ZMAT5: variants seen among roughly 807,000 people sequenced by gnomAD.
The protein encoded by ZMAT5 is zinc finger matrin-type 5.
ZMAT5 carries 23 observed loss-of-function variants against 28.0 expected under a neutral mutation model. That is an observed-to-expected ratio of 0.82 (90% CI 0.59 to 1.16). The LOEUF is 1.16. ZMAT5 is among the 50% of genes most tolerant of loss of function. The pLI is 0.00. For synonymous variants in ZMAT5, 76 were observed against 84.1 expected (o/e 0.90, Z 0.52); for missense variants, 173 against 212.7 (o/e 0.81, Z 1.16).
Position 29,738,317 on chromosome 22 carries a change from TG to T in ZMAT5, c.383+12del. ...CAGGGGGCACAGCGGGAGGGAACCC[TG>T]GGGACCTGTACCTGCTACTTGGGGC... On this transcript the variant is annotated intron_variant, in intron 5 of 5. Transcript: ENST00000344318. 1 of 1,606,760 alleles carries T rather than the reference TG, an allele frequency of 6.2e-7. No individual in the cohort carries two copies.
chr22:29,754,406 G>A (rs79282051), intron 1 of ZMAT5, among the ~76,000 whole-genome samples: 5 of 152,298 alleles, frequency 3.3e-5, no homozygotes, highest in East Asian at 3.9e-4. Flanking sequence ...AAGGGGCAGC[G>A]GGCAAGGCTA....
intron 2 of ZMAT5, among the ~76,000 whole-genome samples, chr22:29,744,895 A>G (rs898180957): frequency 2.6e-5 from 4 of 152,242 alleles, no homozygotes; most frequent in Admixed American, 2.6e-4. Context: ...GAGGAAGCCC[A>G]TGCTCTTGCA....
chr22:29,738,230 C>T (rs1258830790), intron 5 of ZMAT5, 100 bp downstream of exon 5: 5 of 1,199,410 alleles, frequency 4.2e-6, no homozygotes, highest in Non-Finnish European at 6.0e-6. Context: ...GCCCCTGGGC[C>T]TGGGCAGTTC....
intron 1 of ZMAT5, among the ~76,000 whole-genome samples, chr22:29,765,062 C>T (rs1175395082): frequency 6.6e-6 from 1 of 152,138 alleles, no homozygotes; most frequent in Non-Finnish European, 1.5e-5. Context: ...TTGGCTAGCT[C>T]AAACTGATGT....
At chr22:29,761,269 CAAAAA>C (rs131283) in intron 1 of ZMAT5, among the ~76,000 whole-genome samples, 3 of 59,528 alleles carry the variant, frequency 5.0e-5, no homozygotes, top group African/African-American at 7.4e-5. Context: ...AACTCCGTCT[CAAAAA>C]AAAAAAAAAA....
chr22:29,754,125 T>C (rs1325013788), intron 1 of ZMAT5, among the ~76,000 whole-genome samples: 1 of 152,098 alleles, frequency 6.6e-6, no homozygotes, highest in Non-Finnish European at 1.5e-5. Context: ...AGGGGACAGC[T>C]GGAGTGTCTC....
intron 5 of ZMAT5, 91 bp from the exon 6 acceptor site, chr22:29,731,445 G>A: frequency 1.4e-6 from 2 of 1,480,378 alleles, no homozygotes; most frequent in East Asian, 5.4e-5. Flanking sequence ...CACCCTGGCT[G>A]TGGGGAGGGT....
At chr22:29,756,258 G>C (rs2068100385) in intron 1 of ZMAT5, among the ~76,000 whole-genome samples, 1 of 152,248 alleles carries the variant, frequency 6.6e-6, no homozygotes, top group Non-Finnish European at 1.5e-5. Context: ...TAATGTCCCA[G>C]TGTCATATAT....
At chr22:29,741,331 C>T (rs1440041746) in intron 3 of ZMAT5, among the ~76,000 whole-genome samples, 1 of 152,208 alleles carries the variant, frequency 6.6e-6, no homozygotes, top group African/African-American at 2.4e-5. Context: ...GACATATTCA[C>T]ATCAAGGCAA....
At chr22:29,751,099 C>T (rs1174981954) in intron 1 of ZMAT5, among the ~76,000 whole-genome samples, 31 of 152,164 alleles carry the variant, frequency 2.0e-4, no homozygotes, top group Admixed American at 1.9e-3. Context: ...GAACGTTTAA[C>T]GGCCGAGTGC....
At chr22:29,749,113 T>A (rs2068035371) in intron 1 of ZMAT5, among the ~76,000 whole-genome samples, 1 of 152,212 alleles carries the variant, frequency 6.6e-6, no homozygotes, top group Admixed American at 6.5e-5. Context: ...AGTCTCGCTC[T>A]GTCACCCAGG....
intron 1 of ZMAT5, among the ~76,000 whole-genome samples, chr22:29,754,417 G>T (rs1231778383): frequency 1.3e-5 from 2 of 152,246 alleles, no homozygotes; most frequent in Non-Finnish European, 2.9e-5. Context: ...GGCAAGGCTA[G>T]TGGGACAACC....
At chr22:29,749,624 C>T (rs2068039658) in intron 1 of ZMAT5, among the ~76,000 whole-genome samples, 1 of 152,236 alleles carries the variant, frequency 6.6e-6, no homozygotes, top group Non-Finnish European at 1.5e-5. Context: ...TATTTTCCCT[C>T]ATAGCATGTA....
At chr22:29,750,621 C>T (rs938607208) in intron 1 of ZMAT5, among the ~76,000 whole-genome samples, 2 of 152,198 alleles carry the variant, frequency 1.3e-5, no homozygotes, top group African/African-American at 4.8e-5. Flanking sequence ...CAAGGCTGAG[C>T]CCAGACCAAC....
At chr22:29,748,638 T>C in intron 1 of ZMAT5, 67 bp from the exon 2 acceptor site, 2 of 1,576,880 alleles carry the variant, frequency 1.3e-6, no homozygotes, top group Non-Finnish European at 1.7e-6. Context: ...GCCCACTGAA[T>C]GCTTCCTGAG....
chr22:29,765,085 AC>A (rs1315503536), intron 1 of ZMAT5, among the ~76,000 whole-genome samples: 5 of 152,168 alleles, frequency 3.3e-5, no homozygotes, highest in African/African-American at 1.2e-4. Context: ...CCAAAACAGA[AC>A]TTAAGATCAT....
intron 5 of ZMAT5, among the ~76,000 whole-genome samples, chr22:29,736,979 T>C (rs868758491): frequency 6.7e-6 from 1 of 149,906 alleles, no homozygotes; most frequent in South Asian, 2.1e-4. Context: ...AATGAGACAA[T>C]TGCACCACTG....
At chr22:29,766,476 G>A (rs974344536) in intron 1 of ZMAT5, among the ~76,000 whole-genome samples, 14 of 152,216 alleles carry the variant, frequency 9.2e-5, no homozygotes, top group Non-Finnish European at 1.8e-4. Flanking sequence ...GTGAGAGCAA[G>A]GACTTTGTTC....
At chr22:29,763,292 C>CAATAAATACATAAATAAATA (rs2068175614) in intron 1 of ZMAT5, among the ~76,000 whole-genome samples, 1 of 140,568 alleles carries the variant, frequency 7.1e-6, no homozygotes, top group Non-Finnish European at 1.5e-5. Context: ...GACTCTGCCT[C>CAATAAATACATAAATAAATA]AATAAATAAA....
Sources: allele counts gnomAD v4.1 joint callset (sites outside exome capture counted in the v4.1 genomes callset), GRCh38; gene constraint gnomAD v4.1.1; transcripts MANE v1.5; gene names NCBI Gene and HGNC (gene_info 2026-07-23, HGNC 2026-07-21).